NIBAN2: variants seen among roughly 807,000 people sequenced by gnomAD.
NIBAN2 encodes niban apoptosis regulator 2.
In NIBAN2, 36 loss-of-function variants were observed where a neutral mutation model predicts 81.8. That is an observed-to-expected ratio of 0.44 (90% CI 0.34 to 0.58). The LOEUF is 0.58. Ranked by LOEUF, NIBAN2 falls within the 20% of genes least tolerant of loss-of-function variation. The pLI is 0.02. For missense variants in NIBAN2, 897 were observed against 1,014.1 expected, an observed-to-expected ratio of 0.88 and a Z score of 1.57; for synonymous variants, 445 against 441.6, an observed-to-expected ratio of 1.01 and a Z score of -0.10.
intron 8 of NIBAN2, among the ~76,000 whole-genome samples, chr9:127,513,270 G>A (rs1425236026): frequency 6.6e-6 from 1 of 152,190 alleles, no homozygotes; most frequent in African/African-American, 2.4e-5. Context: ...AGATAGAGTA[G>A]AAAGATGGTT....
intron 9 of NIBAN2, 25 bp downstream of exon 9, chr9:127,510,121 C>G: frequency 6.3e-7 from 1 of 1,589,014 alleles, no homozygotes; most frequent in East Asian, 2.2e-5. Flanking sequence ...AGGAGACCCC[C>G]TCCTAGGGGC....
rs1837291468 is a variant in NIBAN2 at position 127,536,956 on chromosome 9, G to A, written c.56-5178C>T. Among the ~76,000 whole-genome samples, 1 of 152,212 alleles carries A rather than the reference G, an allele frequency of 6.6e-6. No homozygotes were observed. Among genetic ancestry groups the A allele is most frequent in the Non-Finnish European group, 1.5e-5 (1 of 68,026 alleles). The stretch of plus-strand genomic sequence containing the variant: ...CTCCAGCTGGTGGTAGAAATCACTC[G>A]CTTCTGTGAGCTACAGAGAGGCTGG... On this transcript the variant is annotated intron_variant, in intron 1 of 13. Transcript: ENST00000373312. The surrounding 1 kb of genome is among the most constrained non-coding windows in gnomAD (Gnocchi z 4.0).
At chr9:127,548,188 C>CA (rs1439530895) in intron 1 of NIBAN2, among the ~76,000 whole-genome samples, 2 of 152,214 alleles carry the variant, frequency 1.3e-5, no homozygotes, top group Non-Finnish European at 2.9e-5. Context: ...GCTTGGGGTC[C>CA]AATCTTTCTG....
intron 8 of NIBAN2, among the ~76,000 whole-genome samples, chr9:127,513,452 C>A (rs1236918470): frequency 6.6e-6 from 1 of 152,144 alleles, no homozygotes; most frequent in Non-Finnish European, 1.5e-5. Context: ...TGAAGGCATT[C>A]TAAGTCATGG....
intron 8 of NIBAN2, among the ~76,000 whole-genome samples, chr9:127,514,541 T>C (rs976947067): frequency 6.6e-6 from 1 of 152,196 alleles, no homozygotes; most frequent in Non-Finnish European, 1.5e-5. Flanking sequence ...AAAACTCCTT[T>C]AGGATGGGTC....
intron 1 of NIBAN2, among the ~76,000 whole-genome samples, chr9:127,533,759 T>C (rs1564307003): frequency 1.3e-5 from 2 of 152,118 alleles, no homozygotes; most frequent in Admixed American, 1.3e-4. Context: ...GGTGTGGGAG[T>C]GGGGAGTACA....
intron 1 of NIBAN2, among the ~76,000 whole-genome samples, chr9:127,535,594 G>T (rs2132195564): frequency 6.6e-6 from 1 of 152,276 alleles, no homozygotes; most frequent in East Asian, 1.9e-4. Context: ...CTGCCCACAG[G>T]CCTAGGGCCT....
At chr9:127,539,017 A>C (rs1268679248) in intron 1 of NIBAN2, among the ~76,000 whole-genome samples, 6 of 152,110 alleles carry the variant, frequency 3.9e-5, no homozygotes, top group Non-Finnish European at 4.4e-5. Flanking sequence ...AAAATGGATA[A>C]TTTATACAAA....
rs1048698631 is a variant in NIBAN2 at position 127,536,337 on chromosome 9, G to A, written c.56-4559C>T. 2.6e-5 allele frequency among the ~76,000 whole-genome samples: 4 copies of A among 152,268 alleles called. No homozygotes were observed. Among genetic ancestry groups the A allele is most frequent in the African/African-American group, 7.2e-5 (3 of 41,538 alleles). ...GACCCTGCTGGAAGAGGACCCAGGC[G>A]AGCACTGCAGCCCTGGTGGGGGCTC... On this transcript the variant is annotated intron_variant, in intron 1 of 13. Coordinates refer to ENST00000373312, the MANE Select transcript of NIBAN2 (RefSeq NM_022833.4). The surrounding 1 kb of genome is among the most constrained non-coding windows in gnomAD (Gnocchi z 4.0).
intron 5 of NIBAN2, among the ~76,000 whole-genome samples, chr9:127,519,808 C>A (rs1395881762): frequency 6.6e-6 from 1 of 152,310 alleles, no homozygotes; most frequent in Non-Finnish European, 1.5e-5. Flanking sequence ...CCACCTGGGC[C>A]AGGGAAGGAG....
chr9:127,506,437 G>C lies in NIBAN2; in HGVS notation c.*408C>G, dbSNP rs1478953453. The C allele has an allele frequency of 6.1e-6, 1 of 163,102 alleles. No homozygotes were observed. The highest frequency in any genetic ancestry group is 2.4e-5 in the African/African-American group (1 of 41,896). The allele number at this position is 163,102 out of a possible 1,614,324, so 10.1% of individuals were successfully genotyped here. A position where few individuals can be genotyped will look rare whatever the true frequency, so the allele number is the denominator to read the frequency against. ...TGCTCCCTCTCCCGGTCCTGGCCCA[G>C]CCAGCTCCTGGGTGAGTGGGCGGGA... On this transcript the variant is annotated 3_prime_UTR_variant, in exon 14 of 14. Transcript: ENST00000373312.
chr9:127,558,002 A>G (rs1329652637), intron 1 of NIBAN2, among the ~76,000 whole-genome samples: 1 of 151,870 alleles, frequency 6.6e-6, no homozygotes, highest in Non-Finnish European at 1.5e-5. Flanking sequence ...ACCCCAGGAG[A>G]GTCCTAGGGG....
intron 8 of NIBAN2, among the ~76,000 whole-genome samples, chr9:127,510,717 G>A (rs988045068): frequency 1.3e-5 from 2 of 152,066 alleles, no homozygotes; most frequent in Admixed American, 6.5e-5. Flanking sequence ...TTACAGGCAT[G>A]AGCCACCATG....
In NIBAN2 at chr9:127,508,384, G is replaced by T; in HGVS notation, c.1434+38C>A. On this transcript the variant is annotated intron_variant, in intron 11 of 13. Coordinates refer to ENST00000373312, the MANE Select transcript of NIBAN2 (RefSeq NM_022833.4). The surrounding 1 kb of genome is among the most constrained non-coding windows in gnomAD (Gnocchi z 6.4). ...GGGATGAGGCTCGGGGCTCGGCCTCGCCTAGGACGGTCCGGGGCAGGGCGT... is the reference window on the plus strand; with the variant it reads ...GGGATGAGGCTCGGGGCTCGGCCTCTCCTAGGACGGTCCGGGGCAGGGCGT... 1.3e-6 allele frequency: 2 copies of T among 1,526,714 alleles called. No homozygotes were observed. The highest frequency in any genetic ancestry group is 1.8e-6 in the Non-Finnish European group (2 of 1,111,450). The allele number at this position is 1,526,714 out of a possible 1,614,324, so 94.6% of individuals were successfully genotyped here.
chr9:127,564,292 C>CA (rs60378955), intron 1 of NIBAN2, among the ~76,000 whole-genome samples: 5,540 of 102,674 alleles, frequency 0.054, 119 homozygotes, highest in East Asian at 0.087. Context: ...GACTCTGTAT[C>CA]AAAAAAAAAA....
At chr9:127,553,031 C>T (rs902873765) in intron 1 of NIBAN2, among the ~76,000 whole-genome samples, 6 of 152,130 alleles carry the variant, frequency 3.9e-5, no homozygotes, top group African/African-American at 1.4e-4. Context: ...GGAGGAGGCC[C>T]ACTACTCACT....
At chr9:127,522,143 G>T (rs1236571239) in intron 5 of NIBAN2, among the ~76,000 whole-genome samples, 8 of 152,194 alleles carry the variant, frequency 5.3e-5, no homozygotes. Flanking sequence ...CCAGCCCACA[G>T]TCCCCGGGAC....
chr9:127,555,477 C>A (rs904815703), intron 1 of NIBAN2, among the ~76,000 whole-genome samples: 1 of 152,266 alleles, frequency 6.6e-6, no homozygotes, highest in Non-Finnish European at 1.5e-5. Flanking sequence ...CCCGCCCACC[C>A]AGAACCATGG....
In NIBAN2 at chr9:127,506,177, C is replaced by T. The variant is rs1836590873; in HGVS notation, c.*668G>A. ...CCAGCATCCCCCAGGATGGGGGTCC[C>T]CTCCTTCACTCAGGACACTTCCCCT... On this transcript the variant is annotated 3_prime_UTR_variant, in exon 14 of 14. Transcript: ENST00000373312. 6.5e-6 allele frequency: 1 copy of T among 152,956 alleles called. No individual in the cohort carries two copies. The highest frequency in any genetic ancestry group is 6.5e-5 in the Admixed American group (1 of 15,278). The allele number at this position is 152,956 out of a possible 1,614,324, so 9.5% of individuals were successfully genotyped here.
Sources: allele counts gnomAD v4.1 joint callset (sites outside exome capture counted in the v4.1 genomes callset), GRCh38; gene constraint gnomAD v4.1.1; non-coding constraint Gnocchi (gnomAD v3.1); transcripts MANE v1.5; gene names NCBI Gene and HGNC (gene_info 2026-07-23, HGNC 2026-07-21).